FRYL: variants seen among roughly 807,000 people sequenced by gnomAD.
FRYL encodes FRY like transcription coactivator.
A neutral mutation model predicts 351.2 loss-of-function variants in FRYL; 150 were observed. The observed-to-expected ratio is 0.43, with a 90% confidence interval of 0.37 to 0.49. FRYL has a LOEUF of 0.49. Ranked by LOEUF, FRYL falls within the 20% of genes least tolerant of loss-of-function variation. FRYL has a pLI of 0.00. For missense variants in FRYL, 3,036 were observed against 3,619.3 expected (o/e 0.84, Z 4.13); for synonymous variants, 1,153 against 1,257.1 (o/e 0.92, Z 1.75).
intron 43 of FRYL, 79 bp downstream of exon 43, chr4:48,544,704 T>A (rs1241482505): frequency 8.2e-7 from 1 of 1,225,202 alleles, no homozygotes; most frequent in East Asian, 2.5e-5. Context: ...ATATCAACTA[T>A]TAACTTTTTG....
At chr4:48,702,730 CAGCCTGGG>C (rs1766894589) in intron 2 of FRYL, among the ~76,000 whole-genome samples, 1 of 140,386 alleles carries the variant, frequency 7.1e-6, no homozygotes, top group Non-Finnish European at 1.5e-5. Flanking sequence ...CACTGCACTC[CAGCCTGGG>C]CGACAGAGCA....
intron 59 of FRYL, among the ~76,000 whole-genome samples, chr4:48,509,805 C>G (rs779864128): frequency 1.3e-5 from 2 of 152,192 alleles, no homozygotes; most frequent in Non-Finnish European, 2.9e-5. Flanking sequence ...GGAATGTTGA[C>G]AGCAGTGACA....
chr4:48,757,326 T>C (rs1773900362), intron 1 of FRYL, among the ~76,000 whole-genome samples: 1 of 152,208 alleles, frequency 6.6e-6, no homozygotes, highest in African/African-American at 2.4e-5. Flanking sequence ...GACATGACTG[T>C]ATATTTAGAA....
chr4:48,775,776 G>A (rs1775954056), intron 1 of FRYL, among the ~76,000 whole-genome samples: 1 of 152,098 alleles, frequency 6.6e-6, no homozygotes, highest in Non-Finnish European at 1.5e-5. Context: ...TGGGGTAAAG[G>A]CAGATAAACT....
chr4:48,564,031 G>A lies in FRYL; in HGVS notation c.3513C>T (p.Tyr1171=). ...CCGTGTAGCAGCGGTCCACAGCCCA[G>A]TACATCAGGTTGCTCTGATCAGGGT... ...ELNPDQSNLM[Y]WAVDRCYTGS... Residue 1171 remains tyrosine, a synonymous_variant, in exon 31 of 64, where the codon TAC becomes TAT. Coordinates refer to ENST00000358350, the MANE Select transcript of FRYL (RefSeq NM_015030.2). The A allele has an allele frequency of 1.2e-6, 2 of 1,614,162 alleles. No individual in the cohort carries two copies. The highest frequency in any genetic ancestry group is 1.7e-6 in the Non-Finnish European group (2 of 1,180,022).
Position 48,579,026 on chromosome 4 carries a change from A to C in FRYL, c.2475T>G (p.Ala825=), listed in dbSNP as rs1196702076. 1.2e-6 allele frequency: 2 copies of C among 1,613,962 alleles called. No individual in the cohort carries two copies. Among genetic ancestry groups the C allele is most frequent in the South Asian group, 2.2e-5 (2 of 91,062 alleles). The part of the protein sequence containing the change: ...PKHCSTAVSY[A]WMFAYTRLQL... ...GAAGTCTTGTGTATGCAAACATCCA[A>C]GCATAGCTCACAGCTGTAGAGCAGT... The change falls in exon 23 of 64, where the codon GCT becomes GCG. Residue 825 remains alanine, a synonymous_variant. Transcript: ENST00000358350.
intron 13 of FRYL, 96 bp from the exon 14 acceptor site, chr4:48,596,096 TG>T: frequency 1.2e-6 from 1 of 800,094 alleles, no homozygotes; most frequent in Non-Finnish European, 2.0e-6. Flanking sequence ...CAATCTTTTT[TG>T]TATTCAGTCT....
intron 9 of FRYL, among the ~76,000 whole-genome samples, chr4:48,607,753 A>G (rs1747169909): frequency 6.6e-6 from 1 of 152,150 alleles, no homozygotes; most frequent in African/African-American, 2.4e-5. Context: ...ATTGCTCTAA[A>G]GTGGCATTTC....
At chr4:48,721,703 G>C (rs1439011936) in intron 1 of FRYL, among the ~76,000 whole-genome samples, 1 of 152,044 alleles carries the variant, frequency 6.6e-6, no homozygotes, top group African/African-American at 2.4e-5. Context: ...GCTGTGGCGC[G>C]ATCATGGCTC....
chr4:48,747,605 T>C (rs1453700600), intron 1 of FRYL, among the ~76,000 whole-genome samples: 3 of 152,268 alleles, frequency 2.0e-5, no homozygotes, highest in African/African-American at 7.2e-5. Flanking sequence ...TTCATAAAAG[T>C]TGTGAAGAAT....
intron 2 of FRYL, among the ~76,000 whole-genome samples, chr4:48,705,864 T>C (rs1181044350): frequency 6.6e-6 from 1 of 151,840 alleles, no homozygotes; most frequent in African/African-American, 2.4e-5. Flanking sequence ...TGACACAGAG[T>C]GTCACTCTGT....
chr4:48,751,794 T>C (rs1313652897), intron 1 of FRYL, among the ~76,000 whole-genome samples: 1 of 152,080 alleles, frequency 6.6e-6, no homozygotes, highest in Non-Finnish European at 1.5e-5. Flanking sequence ...TTGCTGGTTG[T>C]ATATCCACAG....
intron 1 of FRYL, among the ~76,000 whole-genome samples, chr4:48,772,533 A>T (rs1775617231): frequency 6.6e-6 from 1 of 152,188 alleles, no homozygotes; most frequent in Non-Finnish European, 1.5e-5. Flanking sequence ...CATCAAACTA[A>T]TATTTTTAAC....
chr4:48,762,067 C>G (rs945901084), intron 1 of FRYL, among the ~76,000 whole-genome samples: 1 of 152,148 alleles, frequency 6.6e-6, no homozygotes, highest in African/African-American at 2.4e-5. Context: ...TGAGGATGCA[C>G]AGAGAAGTCC....
chr4:48,758,399 C>A (rs957713066), intron 1 of FRYL, among the ~76,000 whole-genome samples: 12 of 152,130 alleles, frequency 7.9e-5, no homozygotes, highest in South Asian at 4.1e-4. Context: ...AATCAAACAA[C>A]CCCATCAAAA....
chr4:48,576,304 CT>C (rs780306789), intron 23 of FRYL, 82 bp from the exon 24 acceptor site: 128,963 of 748,826 alleles, frequency 0.17, no homozygotes, highest in South Asian at 0.22. Context: ...TGCTAAATTT[CT>C]TTTTTTTTTT....
At chr4:48,708,056 G>GT (rs1243855274) in intron 2 of FRYL, among the ~76,000 whole-genome samples, 1 of 151,784 alleles carries the variant, frequency 6.6e-6, no homozygotes, top group Non-Finnish European at 1.5e-5. Flanking sequence ...TTCTGACCTC[G>GT]TGATCAGCCT....
intron 10 of FRYL, among the ~76,000 whole-genome samples, chr4:48,606,233 A>G (rs1746799148): frequency 6.6e-6 from 1 of 151,806 alleles, no homozygotes; most frequent in East Asian, 1.9e-4. Flanking sequence ...AGATCATGCC[A>G]CTGCACTCCA....
intron 53 of FRYL, among the ~76,000 whole-genome samples, chr4:48,527,155 T>C (rs1726438056): frequency 6.6e-6 from 1 of 152,222 alleles, no homozygotes; most frequent in Non-Finnish European, 1.5e-5. Flanking sequence ...AATTCTCATA[T>C]AAATTTTTAC....
Sources: allele counts gnomAD v4.1 joint callset (sites outside exome capture counted in the v4.1 genomes callset), GRCh38; gene constraint gnomAD v4.1.1; transcripts MANE v1.5; gene names NCBI Gene and HGNC (gene_info 2026-07-23, HGNC 2026-07-21).